ITGA2B: variants seen among roughly 807,000 people sequenced by gnomAD.
The protein encoded by ITGA2B is integrin subunit alpha 2b, also known as integrin alpha-IIb.
Under a neutral mutation model 142.0 loss-of-function variants are expected in ITGA2B, and 91 were observed. That is an observed-to-expected ratio of 0.64 (90% CI 0.54 to 0.76). The LOEUF (loss-of-function observed/expected upper bound fraction) is 0.76, where lower values mean the gene tolerates loss of function less well. Among genes scored for constraint, ITGA2B ranks in the 30% least tolerant of loss-of-function variants. ITGA2B has a pLI of 0.00. For missense variants in ITGA2B, 1,231 were observed against 1,350.8 expected, an observed-to-expected ratio of 0.91 and a Z score of 1.39; for synonymous variants, 536 against 567.2, an observed-to-expected ratio of 0.94 and a Z score of 0.78.
rs780392176 is a variant in ITGA2B at position 44,385,608 on chromosome 17, C to G, written c.517G>C (p.Glu173Gln). ...GTGTTCCCGCGACAGGGGGAGTACTCGGCGCGGCGGCCGCTCTCTGGCTGA... is the reference window on the plus strand; with the variant it reads ...GTGTTCCCGCGACAGGGGGAGTACTGGGCGCGGCGGCCGCTCTCTGGCTGA... Reference protein sequence around the residue: ...LAQPESGRRAEYSPCRGNTLS... With the variant: ...LAQPESGRRAQYSPCRGNTLS... Residue 173 changes from glutamate (E) to glutamine (Q), a missense_variant, in exon 4 of 30, where the codon GAG (glutamate) becomes CAG (glutamine). Around this residue, in one of 3 missense-constraint regions of ITGA2B, gnomAD observed 318 missense variants for 312.2 expected, o/e 1.02. Transcript: ENST00000262407. The G allele has an allele frequency of 6.2e-7, 1 of 1,611,782 alleles. No homozygotes were observed. Among genetic ancestry groups the G allele is most frequent in the South Asian group, 1.1e-5 (1 of 90,970 alleles).
chr17:44,384,267 C>G, intron 9 of ITGA2B, 44 bp downstream of exon 9: 1 of 1,611,708 alleles, frequency 6.2e-7, no homozygotes, highest in Non-Finnish European at 8.5e-7. Flanking sequence ...AGCCTGAGAA[C>G]TGGGATAAGG....
In ITGA2B at chr17:44,380,285, A is replaced by T; in HGVS notation, c.1561T>A (p.Cys521Ser). The T allele has an allele frequency of 6.2e-7, 1 of 1,614,134 alleles. No individual in the cohort carries two copies. The highest frequency in any genetic ancestry group is 1.7e-5 in the Admixed American group (1 of 60,026). Residue 521 changes from cysteine (C) to serine (S), a missense_variant, in exon 16 of 30, where the codon TGT (cysteine) becomes AGT (serine). Cys to Ser is a moderately radical substitution (Grantham distance 112). This residue lies in a region of ITGA2B where 908 missense variants were observed against 1,021.1 expected (regional missense o/e 0.89). Coordinates refer to ENST00000262407, the MANE Select transcript of ITGA2B (RefSeq NM_000419.5). ...ATGTTGTGCCCAGTGGCTCCAACAC[A>T]CATCTGGATGTTGAAGCTGCAAAGA... ...TPVSCFNIQM[C>S]VGATGHNIPQ...
rs1411528326 is a variant in ITGA2B at position 44,389,592 on chromosome 17, C to CGGGCAGAGCAAA, written c.-131_-120dup. 2.6e-6 allele frequency: 3 copies of CGGGCAGAGCAAA among 1,164,892 alleles called. No homozygotes were observed. In the African/African-American group the frequency reaches 4.6e-5, roughly 18 times the overall value. 72.2% of individuals were successfully genotyped at this position (1,164,892 alleles called of 1,614,324 possible). On this transcript the variant is annotated 5_prime_UTR_variant, in exon 1 of 30. Coordinates refer to ENST00000262407, the MANE Select transcript of ITGA2B (RefSeq NM_000419.5). ...GAACCCCAAGTAACTTGCTGAGCAA[C>CGGGCAGAGCAAA]GGGCAGAGCAAAGGGCTATAGCCCC...
rs750389615 is a variant in ITGA2B at position 44,380,143 on chromosome 17, G to A, written c.1611C>T (p.Ala537=). ...HNIPQKLSLN[A]ELQLDRQKPR... The stretch of plus-strand genomic sequence containing the variant: ...GCTTCTGCCGGTCCAGCTGCAGCTC[G>A]GCATTTAGGGCTGGCAGGGCAAGCA... Residue 537 remains alanine, a synonymous_variant, in exon 17 of 30, where the codon GCC becomes GCT. Transcript: ENST00000262407. 21 of 1,613,578 alleles carry A rather than the reference G, an allele frequency of 1.3e-5. No individual in the cohort carries two copies. Among genetic ancestry groups the A allele is most frequent in the East Asian group, 6.7e-5 (3 of 44,858 alleles).
At chr17:44,375,343 A>G (rs932875924) in intron 26 of ITGA2B, 4 of 631,276 alleles carry the variant, frequency 6.3e-6, no homozygotes, top group Non-Finnish European at 1.1e-5. Flanking sequence ...GCTCAGATCT[A>G]TGATAACCTT....
chr17:44,384,442 T>A, intron 8 of ITGA2B, 88 bp from the exon 9 acceptor site: 2 of 1,607,388 alleles, frequency 1.2e-6, no homozygotes, highest in Non-Finnish European at 1.7e-6. Flanking sequence ...GGGAAAAATG[T>A]GTGTGCAGGA....
At position 44,380,027 on chromosome 17, in the gene ITGA2B, C is replaced by G; in HGVS notation, c.1727G>C (p.Cys576Ser). Residue 576 changes from cysteine to serine, a missense_variant, in exon 17 of 30, where the codon TGC (cysteine) becomes TCC (serine). Around this residue, in one of 3 missense-constraint regions of ITGA2B, gnomAD observed 908 missense variants for 1,021.1 expected, o/e 0.89. Transcript: ENST00000262407. The part of the protein sequence containing the change: ...LDLGGKHSPI[C>S]HTTMAFLRDE... ...TCGAAGGAAGGCCATGGTGGTGTGG[C>G]AGATGGGGCTGTGCTTTCCGCCCAG... The G allele has an allele frequency of 1.2e-6, 2 of 1,613,692 alleles. No individual in the cohort carries two copies. Among genetic ancestry groups the G allele is most frequent in the Non-Finnish European group, 1.7e-6 (2 of 1,180,028 alleles).
At chr17:44,378,138 A>G (rs1006848608) in intron 20 of ITGA2B, among the ~76,000 whole-genome samples, 2 of 152,230 alleles carry the variant, frequency 1.3e-5, no homozygotes, top group Non-Finnish European at 2.9e-5. Flanking sequence ...GTTCCTGTTA[A>G]CATTTGGTTC....
At chr17:44,384,496 C>A (rs771555116) in intron 8 of ITGA2B, 42 bp downstream of exon 8, 29 of 1,613,050 alleles carry the variant, frequency 1.8e-5, no homozygotes, top group African/African-American at 2.7e-5. Flanking sequence ...CGCTCCTCCC[C>A]GGGCTGGGCT....
chr17:44,382,856 G>C (rs1043343168), intron 12 of ITGA2B, among the ~76,000 whole-genome samples: 9 of 152,040 alleles, frequency 5.9e-5, no homozygotes, highest in Non-Finnish European at 1.5e-5. Flanking sequence ...ACACTCCTCT[G>C]TCTCCTTCTC....
At chr17:44,386,217 C>T (rs190185583) in intron 1 of ITGA2B, 86 bp from the exon 2 acceptor site, 50 of 1,531,696 alleles carry the variant, frequency 3.3e-5, no homozygotes, top group Non-Finnish European at 4.1e-5. Context: ...GCCCGGAAGG[C>T]CATGTGGCAT....
Position 44,379,811 on chromosome 17 carries a change from C to T in ITGA2B, c.1756G>A (p.Glu586Lys), listed in dbSNP as rs1364284895. Residue 586 changes from glutamate to lysine, a missense_variant, in exon 18 of 30, where the codon GAG (glutamate) becomes AAG (lysine). Glu to Lys is a moderately conservative substitution (Grantham distance 56). Around this residue, in one of 3 missense-constraint regions of ITGA2B, gnomAD observed 908 missense variants for 1,021.1 expected, o/e 0.89. Coordinates refer to ENST00000262407, the MANE Select transcript of ITGA2B (RefSeq NM_000419.5). ...CTCAGCTTGTCCCGGAAGTCTGCCT[C>T]ATCCTAGGACAGGGGCAAGAGTCAG... is the stretch of plus-strand genomic sequence containing the variant. ...CHTTMAFLRD[E>K]ADFRDKLSPI... 3.1e-6 allele frequency: 5 copies of T among 1,613,742 alleles called. No individual in the cohort carries two copies. Among genetic ancestry groups the T allele is most frequent in the African/African-American group, 2.7e-5 (2 of 74,874 alleles).
chr17:44,374,774 G>A lies in ITGA2B; in HGVS notation c.2842-14C>T. The A allele has an allele frequency of 6.2e-7, 1 of 1,610,254 alleles. No individual in the cohort carries two copies. The highest frequency in any genetic ancestry group is 8.5e-7 in the Non-Finnish European group (1 of 1,176,686). On this transcript the variant is annotated splice_polypyrimidine_tract_variant and intron_variant, in intron 27 of 29. Transcript: ENST00000262407. ...ATCCAGAGGCCTCTGGACAGGTTGG[G>A]GTTGAAAGCCGTTTACACCCACAAG...
At position 44,385,706 on chromosome 17, in the gene ITGA2B, G is replaced by T; in HGVS notation, c.419C>A (p.Pro140His). Residue 140 changes from proline to histidine, a missense_variant, in exon 4 of 30, where the codon CCC becomes CAC. Transcript: ENST00000262407. ...TTCTAGGACGTTCCAGTGCTGCCAG[G>T]GGGCGCAGGCCTGGAGAAAGGCCAC... ...SWSDVIVACA[P>H]WQHWNVLEKT... The T allele has an allele frequency of 6.2e-7, 1 of 1,613,674 alleles. No individual in the cohort carries two copies. The highest frequency in any genetic ancestry group is 8.5e-7 in the Non-Finnish European group (1 of 1,180,010).
Position 44,376,203 on chromosome 17 carries a change from C to T in ITGA2B, c.2349-19G>A. 1 of 1,614,106 alleles carries T rather than the reference C, an allele frequency of 6.2e-7. No individual in the cohort carries two copies. Among genetic ancestry groups the T allele is most frequent in the Non-Finnish European group, 8.5e-7 (1 of 1,179,986 alleles). On this transcript the variant is annotated intron_variant, in intron 23 of 29. Transcript: ENST00000262407. ...GGAGTTCCTGCAGGTGCCCAAGACC[C>T]CCAGAGAGAGTGTGATGCCCTGATT...
At chr17:44,384,846 G>A (rs2048629797) in intron 7 of ITGA2B, 102 bp downstream of exon 7, 1 of 1,578,538 alleles carries the variant, frequency 6.3e-7, no homozygotes, top group African/African-American at 1.3e-5. Context: ...CGGTGGGTTG[G>A]CCGGCAGGGG....
chr17:44,379,548 C>G, intron 18 of ITGA2B, 141 bp downstream of exon 18: 6 of 1,355,730 alleles, frequency 4.4e-6, no homozygotes, highest in Non-Finnish European at 6.3e-6. Flanking sequence ...GCCACCATGA[C>G]TGGCTGGATT....
rs2143447171 is a variant in ITGA2B, at chr17:44,377,685, C to T, written c.2187+13G>A. 6.2e-7 allele frequency: 1 copy of T among 1,609,252 alleles called. No homozygotes were observed. The highest frequency in any genetic ancestry group is 8.5e-7 in the Non-Finnish European group (1 of 1,176,544). ...CCTGGTGGAGACCCGGTACCACGACCCAGCAGCCTCACCTGGGCGTTCTTC... is the reference window on the plus strand; with the variant it reads ...CCTGGTGGAGACCCGGTACCACGACTCAGCAGCCTCACCTGGGCGTTCTTC... On this transcript the variant is annotated intron_variant, in intron 21 of 29. Transcript: ENST00000262407.
intron 13 of ITGA2B, 101 bp downstream of exon 13, chr17:44,380,778 C>T (rs1334453801): frequency 1.9e-6 from 3 of 1,584,772 alleles, no homozygotes; most frequent in Non-Finnish European, 1.7e-6. Flanking sequence ...CATAGTGGGA[C>T]ACCAGGCCAG....
Sources: allele counts gnomAD v4.1 joint callset (sites outside exome capture counted in the v4.1 genomes callset), GRCh38; gene constraint gnomAD v4.1.1; regional missense constraint gnomAD v4.1.1; transcripts MANE v1.5; gene names NCBI Gene and HGNC (gene_info 2026-07-23, HGNC 2026-07-21).